Variants in HTR5A observed in about 807,000 individuals in gnomAD.
HTR5A encodes the protein 5-HT-5.
In HTR5A, 21 loss-of-function variants were observed where a neutral mutation model predicts 24.3. That is an observed-to-expected ratio of 0.86 (90% CI 0.61 to 1.24). The LOEUF (loss-of-function observed/expected upper bound fraction) is 1.24, where lower values mean the gene tolerates loss of function less well. Ranked by LOEUF, HTR5A falls within the 50% of genes most tolerant of loss-of-function variation. HTR5A has a pLI of 0.00. For synonymous variants in HTR5A, 260 were observed against 213.7 expected (o/e 1.22, Z -1.89); for missense variants, 497 against 489.5 (o/e 1.02, Z -0.15).
rs897828684 is a variant in HTR5A, at chr7:155,086,354, A to G, written c.*1867A>G. ...GAAAACTTTTAATCCATAAATCGTG[A>G]GTGTCTTACTGTTTAAAAAAGTTCA... On this transcript the variant is annotated 3_prime_UTR_variant, in exon 2 of 2. Coordinates refer to ENST00000287907, the MANE Select transcript of HTR5A (RefSeq NM_024012.4). Among the ~76,000 whole-genome samples, 1 of 152,220 alleles carries G rather than the reference A, an allele frequency of 6.6e-6. No individual in the cohort carries two copies. Among genetic ancestry groups the G allele is most frequent in the East Asian group, 1.9e-4 (1 of 5,206 alleles).
chr7:155,076,270 GT>G (rs1210129024), intron 1 of HTR5A, among the ~76,000 whole-genome samples: 3 of 152,144 alleles, frequency 2.0e-5, no homozygotes, highest in African/African-American at 7.2e-5. Context: ...GTAGCATCAA[GT>G]CATCAAATAA....
chr7:155,077,339 A>G (rs985945712), intron 1 of HTR5A: 1 of 152,196 alleles, frequency 6.6e-6, no homozygotes, highest in Non-Finnish European at 1.5e-5. Context: ...GAATTCTTCC[A>G]TTAAGTAAAG....
At chr7:155,081,543 T>C (rs1326837759) in intron 1 of HTR5A, among the ~76,000 whole-genome samples, 1 of 152,228 alleles carries the variant, frequency 6.6e-6, no homozygotes, top group Non-Finnish European at 1.5e-5. Context: ...TTTCAGAGAT[T>C]ATTAGGAAAA....
chr7:155,083,935 A>G (rs111295851), intron 1 of HTR5A, among the ~76,000 whole-genome samples: 2,029 of 152,266 alleles, frequency 0.013, 40 homozygotes, highest in African/African-American at 0.041. Context: ...ATTTCATCAC[A>G]TCTGGTCCTT....
In HTR5A at chr7:155,070,505, C is replaced by G; in HGVS notation, c.-395C>G. ...AACGCGGTGAGAGCGACTGCTCTGA[C>G]GCACCAGCCCCTCTCCTGCACCCAC... On this transcript the variant is annotated 5_prime_UTR_variant, in exon 1 of 2. Transcript: ENST00000287907. 2 of 376,846 alleles carry G rather than the reference C, an allele frequency of 5.3e-6. No individual in the cohort carries two copies. The highest frequency in any genetic ancestry group is 1.0e-5 in the Non-Finnish European group (2 of 192,828). The allele number at this position is 376,846 out of a possible 1,614,324, so 23.3% of individuals were successfully genotyped here.
intron 1 of HTR5A, chr7:155,074,887 T>C (rs988954677): frequency 5.9e-5 from 9 of 152,144 alleles, no homozygotes; most frequent in African/African-American, 1.4e-4. Context: ...GTAGGATACG[T>C]AGATGAATAG....
In HTR5A at chr7:155,085,009, A is replaced by G. The variant is rs1276175178; in HGVS notation, c.*522A>G. The G allele has an allele frequency of 6.5e-6, 1 of 153,622 alleles. No homozygotes were observed. The highest frequency in any genetic ancestry group is 6.5e-5 in the Admixed American group (1 of 15,456). 9.5% of individuals were successfully genotyped at this position (153,622 alleles called of 1,614,324 possible). A position where few individuals can be genotyped will look rare whatever the true frequency, so the allele number is the denominator to read the frequency against. On this transcript the variant is annotated 3_prime_UTR_variant, in exon 2 of 2. Coordinates refer to ENST00000287907, the MANE Select transcript of HTR5A (RefSeq NM_024012.4). ...GGGTATGACCCAAGAGTTGACCACA[A>G]AACACTGTCTCCAAATATATTAAAG...
rs147688293 is a variant in HTR5A, at chr7:155,070,987, C to A, written c.88C>A (p.Arg30Ser). The change falls in exon 1 of 2, where the codon CGC (arginine) becomes AGC (serine). Residue 30 changes from arginine (R) to serine (S), a missense_variant. Physicochemically the swap from Arg to Ser is moderately radical, Grantham distance 110. Coordinates refer to ENST00000287907, the MANE Select transcript of HTR5A (RefSeq NM_024012.4). ...CCACAGCCTCGGCAAAGACGACCTG[C>A]GCCCCAGCTCGCCCCTGCTCTCGGT... ...TNHSLGKDDL[R>S]PSSPLLSVFG... is the part of the protein sequence containing the mutation. 10 of 1,611,612 alleles carry A rather than the reference C, an allele frequency of 6.2e-6. No homozygotes were observed. The highest frequency in any genetic ancestry group is 8.5e-6 in the Non-Finnish European group (10 of 1,180,030).
intron 1 of HTR5A, among the ~76,000 whole-genome samples, chr7:155,076,134 G>A (rs753826782): frequency 2.6e-5 from 4 of 152,216 alleles, no homozygotes; most frequent in African/African-American, 4.8e-5. Context: ...TTATCTGTAA[G>A]TATTGCCAAG....
Position 155,070,831 on chromosome 7 carries a change from C to T in HTR5A, c.-69C>T. 12 of 1,490,908 alleles carry T rather than the reference C, an allele frequency of 8.0e-6. No homozygotes were observed. Among genetic ancestry groups the T allele is most frequent in the Non-Finnish European group, 1.1e-5 (12 of 1,106,598 alleles). 92.4% of individuals were successfully genotyped at this position (1,490,908 alleles called of 1,614,324 possible). A position where few individuals can be genotyped will look rare whatever the true frequency, so the allele number is the denominator to read the frequency against. On this transcript the variant is annotated 5_prime_UTR_variant, in exon 1 of 2. Coordinates refer to ENST00000287907, the MANE Select transcript of HTR5A (RefSeq NM_024012.4). Reference sequence around the variant, plus strand: ...CAAACATCCGGATTGGCTCTGGGCACAGTGGCCGCCTTAAGTCCTCCTGAA... The same window carrying T: ...CAAACATCCGGATTGGCTCTGGGCATAGTGGCCGCCTTAAGTCCTCCTGAA...
At chr7:155,075,322 A>G (rs74374398) in intron 1 of HTR5A, among the ~76,000 whole-genome samples, 4,403 of 152,334 alleles carry the variant, frequency 0.029, 95 homozygotes, top group Non-Finnish European at 0.048. Context: ...TGATGTTCAC[A>G]TTGCACGTTG....
chr7:155,075,867 T>C (rs1438001277), intron 1 of HTR5A, among the ~76,000 whole-genome samples: 1 of 152,174 alleles, frequency 6.6e-6, no homozygotes, highest in South Asian at 2.1e-4. Flanking sequence ...AACCCTCTAG[T>C]TATCCAACTG....
At chr7:155,072,199 G>C (rs1273465717) in intron 1 of HTR5A, among the ~76,000 whole-genome samples, 1 of 152,134 alleles carries the variant, frequency 6.6e-6, no homozygotes, top group Non-Finnish European at 1.5e-5. Context: ...CTAGGTTACT[G>C]TCATTCTGTG....
In HTR5A at chr7:155,071,314, C is replaced by A; in HGVS notation, c.415C>A (p.Arg139Ser). 1 of 1,611,740 alleles carries A rather than the reference C, an allele frequency of 6.2e-7. No homozygotes were observed. Among genetic ancestry groups the A allele is most frequent in the Non-Finnish European group, 8.5e-7 (1 of 1,180,032 alleles). ...IWNVTAIALDRYWSITRHMEY... is the reference protein window; with the variant it reads ...IWNVTAIALDSYWSITRHMEY... ...GAACGTGACGGCCATAGCCCTGGACCGCTACTGGTCCATCACGCGCCACAT... is the reference window on the plus strand; with the variant it reads ...GAACGTGACGGCCATAGCCCTGGACAGCTACTGGTCCATCACGCGCCACAT... Residue 139 changes from arginine (R) to serine (S), a missense_variant, in exon 1 of 2, where the codon CGC becomes AGC. Transcript: ENST00000287907.
rs1253607288 is a variant in HTR5A, at chr7:155,087,131, A to G, written c.*2644A>G. On this transcript the variant is annotated 3_prime_UTR_variant, in exon 2 of 2. Transcript: ENST00000287907. ...TCTTAGCCCTCTTGAGGTCACTATC[A>G]GTTTTATATTTTCATTGTGCGGTAG... 6.6e-6 allele frequency among the ~76,000 whole-genome samples: 1 copy of G among 152,162 alleles called. No homozygotes were observed. The highest frequency in any genetic ancestry group is 1.9e-4 in the East Asian group (1 of 5,198).
chr7:155,073,899 A>ATGTGTG (rs1185290002), intron 1 of HTR5A, among the ~76,000 whole-genome samples: 1 of 15,402 alleles, frequency 6.5e-5, no homozygotes, highest in Admixed American at 1.5e-3. Context: ...GTATATATAT[A>ATGTGTG]TATATATATA....
chr7:155,072,645 CTGT>C (rs1416249357), intron 1 of HTR5A, among the ~76,000 whole-genome samples: 1 of 152,182 alleles, frequency 6.6e-6, no homozygotes, highest in Admixed American at 6.5e-5. Context: ...TCCCCATTTT[CTGT>C]TGTTGGCTCT....
At chr7:155,083,959 G>A (rs6951876) in intron 1 of HTR5A, among the ~76,000 whole-genome samples, 196 bp from the exon 2 acceptor site, 3,750 of 152,198 alleles carry the variant, frequency 0.025, 144 homozygotes, top group African/African-American at 0.086. Flanking sequence ...TTTCTAAGAG[G>A]TAAGCAAACA....
chr7:155,070,738 T>C lies in HTR5A; in HGVS notation c.-162T>C, dbSNP rs1052331709. 2.2e-5 allele frequency: 16 copies of C among 743,990 alleles called. No homozygotes were observed. The highest frequency in any genetic ancestry group is 2.9e-5 in the Non-Finnish European group (13 of 448,912). 46.1% of individuals were successfully genotyped at this position (743,990 alleles called of 1,614,324 possible). ...CAGCCACACCATCTCCAACGGATGCTCACTAGCAGGAAATTGGGGCCAAAT... is the reference window on the plus strand; with the variant it reads ...CAGCCACACCATCTCCAACGGATGCCCACTAGCAGGAAATTGGGGCCAAAT... On this transcript the variant is annotated 5_prime_UTR_variant, in exon 1 of 2. Transcript: ENST00000287907.
Sources: gnomAD v4.1 joint callset for allele counts (sites outside exome capture counted in the v4.1 genomes callset) on GRCh38, gnomAD v4.1.1 for gene constraint, MANE v1.5 for transcripts, NCBI Gene and HGNC (gene_info 2026-07-23, HGNC 2026-07-21) for gene names.